TNS3: variants seen among roughly 807,000 people sequenced by gnomAD.
TNS3 encodes tensin-3.
Under a neutral mutation model 140.9 loss-of-function variants are expected in TNS3, and 45 were observed. That is an observed-to-expected ratio of 0.32 (90% CI 0.25 to 0.41). The LOEUF is 0.41. Ranked by LOEUF, TNS3 falls within the 10% of genes least tolerant of loss-of-function variation. The pLI is 1.00. For missense variants in TNS3, 1,716 were observed against 1,906.7 expected, an observed-to-expected ratio of 0.90 and a Z score of 1.86; for synonymous variants, 815 against 788.4, an observed-to-expected ratio of 1.03 and a Z score of -0.56.
chr7:47,507,495 C>T (rs754927213), intron 2 of TNS3, among the ~76,000 whole-genome samples: 2 of 152,146 alleles, frequency 1.3e-5, no homozygotes, highest in South Asian at 2.1e-4. Context: ...TTCCGGCCAA[C>T]CTGAGAACTG....
At chr7:47,430,412 G>C (rs1396843592) in intron 8 of TNS3, among the ~76,000 whole-genome samples, 2 of 152,088 alleles carry the variant, frequency 1.3e-5, no homozygotes, top group Non-Finnish European at 2.9e-5. Flanking sequence ...TTACAGGCAT[G>C]AGCCACTGCA....
upstream of TNS3, chr7:47,582,325 C>T (rs2152035739): frequency 1.2e-5 from 5 of 417,108 alleles, no homozygotes; most frequent in South Asian, 8.7e-5. Flanking sequence ...GACCTCCCTT[C>T]GCTGGCCGCA....
chr7:47,453,042 G>A (rs1796090169), intron 4 of TNS3: 8 of 985,342 alleles, frequency 8.1e-6, no homozygotes, highest in East Asian at 1.1e-4. Context: ...ACCCCTCTTC[G>A]TGTTAATGTC....
intron 17 of TNS3, among the ~76,000 whole-genome samples, chr7:47,367,821 C>A (rs1318274526): frequency 1.3e-5 from 2 of 152,230 alleles, no homozygotes; most frequent in Non-Finnish European, 2.9e-5. Flanking sequence ...CCACCACGGC[C>A]AACTCTGACA....
chr7:47,579,876 A>G, intron 1 of TNS3: 11 of 985,068 alleles, frequency 1.1e-5, no homozygotes, highest in Non-Finnish European at 1.3e-5. Context: ...GGTCTCTGCT[A>G]TCCCCTTCAG....
At position 47,453,789 on chromosome 7, in the gene TNS3, C is replaced by A. The variant is rs1315645574; in HGVS notation, c.-75-11734G>T. ...CGGCAGATCTTGGTGACATAGAGTC[C>A]CGGACCTGCCCGAGGCGGGTTTATT... On this transcript the variant is annotated intron_variant, in intron 4 of 30. Transcript: ENST00000311160. Among the ~76,000 whole-genome samples, 4 of 152,202 alleles carry A rather than the reference C, an allele frequency of 2.6e-5. No individual in the cohort carries two copies. The East Asian group carries it at 7.7e-4, about 29-fold the overall frequency.
intron 4 of TNS3, among the ~76,000 whole-genome samples, chr7:47,461,121 T>C (rs557741982): frequency 1.3e-5 from 2 of 152,244 alleles, no homozygotes; most frequent in African/African-American, 2.4e-5. Context: ...TACAGTGAGA[T>C]GAGGGGACAC....
At chr7:47,292,108 T>G (rs539223493) in intron 26 of TNS3, 76 bp from the exon 27 acceptor site, 2 of 1,432,582 alleles carry the variant, frequency 1.4e-6, no homozygotes, top group African/African-American at 2.8e-5. Context: ...GTTAGACAAT[T>G]TGATGACAGA....
chr7:47,332,940 G>A (rs1270612415), intron 20 of TNS3, among the ~76,000 whole-genome samples: 4 of 152,144 alleles, frequency 2.6e-5, no homozygotes, highest in African/African-American at 9.7e-5. Flanking sequence ...GGAGAGGAGG[G>A]GGTAATGGAA....
chr7:47,365,870 G>C (rs538303076), intron 17 of TNS3, among the ~76,000 whole-genome samples: 1 of 152,204 alleles, frequency 6.6e-6, no homozygotes, highest in Non-Finnish European at 1.5e-5. Context: ...CCTTATAACT[G>C]TTTCTTTGCA....
intron 20 of TNS3, among the ~76,000 whole-genome samples, chr7:47,328,275 G>A (rs1038080920): frequency 3.9e-5 from 6 of 152,178 alleles, no homozygotes; most frequent in East Asian, 1.9e-4. Flanking sequence ...GCTGGCTGTC[G>A]CGGGCGGCCT....
intron 1 of TNS3, among the ~76,000 whole-genome samples, chr7:47,567,683 CA>C (rs57071957): frequency 0.043 from 3,640 of 84,902 alleles, 77 homozygotes; most frequent in African/African-American, 0.14. Context: ...GACTCGGTCT[CA>C]AAAAAAAAAA....
In TNS3 at chr7:47,424,241, T is replaced by C. The variant is rs1401102209; in HGVS notation, c.390-57A>G. On this transcript the variant is annotated intron_variant, in intron 9 of 30. Transcript: ENST00000311160. The stretch of plus-strand genomic sequence containing the variant: ...CTCAGTGGAGCCCACACCACGTGGG[T>C]ACTTGACGGGGGATGTGTCTCATGG... 9 of 1,574,526 alleles carry C rather than the reference T, an allele frequency of 5.7e-6. No homozygotes were observed. In the East Asian group the frequency reaches 9.0e-5, roughly 16 times the overall value.
Position 47,447,069 on chromosome 7 carries a change from A to G in TNS3, c.-75-5014T>C, listed in dbSNP as rs531260691. 3.8e-5 allele frequency among the ~76,000 whole-genome samples: 3 copies of G among 78,122 alleles called. 1 individual carries two copies. In the South Asian group the frequency reaches 1.2e-3, roughly 31 times the overall value. 51.3% of individuals were successfully genotyped at this position (78,122 alleles called of 152,430 possible). On this transcript the variant is annotated intron_variant, in intron 4 of 30. Coordinates refer to ENST00000311160, the MANE Select transcript of TNS3 (RefSeq NM_022748.12). ...GTGACAAACTGGCCCCATGGGCTCA[A>G]TGAGGTCAATGAGGTCACTAAACTC...
intron 8 of TNS3, among the ~76,000 whole-genome samples, chr7:47,431,684 G>A (rs1029990728): frequency 7.9e-5 from 12 of 152,042 alleles, no homozygotes; most frequent in Non-Finnish European, 1.3e-4. Flanking sequence ...AAAAAACAAA[G>A]GTCAGAGCAG....
intron 4 of TNS3, among the ~76,000 whole-genome samples, chr7:47,451,457 T>C (rs1243854909): frequency 6.6e-6 from 1 of 152,104 alleles, no homozygotes; most frequent in Non-Finnish European, 1.5e-5. Context: ...GGTATGTGGC[T>C]GTAGTCCCAG....
chr7:47,343,964 T>C (rs1256329363), intron 20 of TNS3, among the ~76,000 whole-genome samples: 3 of 151,950 alleles, frequency 2.0e-5, no homozygotes, highest in Admixed American at 1.3e-4. Flanking sequence ...GGGTAAGGGG[T>C]AGATGAAAAT....
intron 8 of TNS3, among the ~76,000 whole-genome samples, chr7:47,433,822 C>A (rs1053988713): frequency 1.3e-5 from 2 of 152,096 alleles, no homozygotes; most frequent in Non-Finnish European, 1.5e-5. Context: ...CACACCAAGC[C>A]TGAAAAGCAT....
chr7:47,285,161 G>A (rs1020808746), intron 27 of TNS3, among the ~76,000 whole-genome samples: 4 of 152,184 alleles, frequency 2.6e-5, no homozygotes, highest in Non-Finnish European at 5.9e-5. Flanking sequence ...ATGTCCCTGG[G>A]TGTCACAGTG....
Sources: allele counts gnomAD v4.1 joint callset (sites outside exome capture counted in the v4.1 genomes callset), GRCh38; gene constraint gnomAD v4.1.1; transcripts MANE v1.5; gene names NCBI Gene and HGNC (gene_info 2026-07-23, HGNC 2026-07-21).